CTNND2: variants seen among roughly 807,000 people sequenced by gnomAD.
CTNND2 encodes catenin delta 2, also known as catenin delta-2.
In CTNND2, 22 loss-of-function variants were observed where a neutral mutation model predicts 144.4. That is an observed-to-expected ratio of 0.15 (90% confidence interval 0.11 to 0.22). The LOEUF is 0.22. Among genes scored for constraint, CTNND2 ranks in the 10% least tolerant of loss-of-function variants. The pLI is 1.00. For missense variants in CTNND2, 1,353 were observed against 1,618.8 expected (o/e 0.84, Z 2.82); for synonymous variants, 751 against 695.6 (o/e 1.08, Z -1.25).
chr5:11,471,951 G>A (rs1205163069), intron 3 of CTNND2, among the ~76,000 whole-genome samples: 8 of 152,154 alleles, frequency 5.3e-5, no homozygotes, highest in Non-Finnish European at 1.5e-5. Flanking sequence ...ACACAAGCTG[G>A]CAAAACTTCT....
chr5:11,151,578 T>C (rs80100938), intron 12 of CTNND2, among the ~76,000 whole-genome samples: 2,605 of 152,342 alleles, frequency 0.017, 82 homozygotes, highest in African/African-American at 0.06. Context: ...GACTATTCAT[T>C]CACGCTGAAA....
intron 1 of CTNND2, among the ~76,000 whole-genome samples, chr5:11,754,627 T>C (rs190440418): frequency 6.6e-6 from 1 of 152,004 alleles, no homozygotes; most frequent in East Asian, 1.9e-4. Context: ...GTTTTATGAA[T>C]CTGGGTGCTC....
intron 7 of CTNND2, among the ~76,000 whole-genome samples, chr5:11,370,381 G>A (rs1259482447): frequency 6.6e-6 from 1 of 152,092 alleles, no homozygotes; most frequent in Non-Finnish European, 1.5e-5. Flanking sequence ...TGGTTCTAAT[G>A]CTGGGATCAC....
chr5:11,465,752 T>C (rs1266454462), intron 3 of CTNND2, among the ~76,000 whole-genome samples: 1 of 152,192 alleles, frequency 6.6e-6, no homozygotes, highest in Admixed American at 6.5e-5. Context: ...TCTCCAAATA[T>C]ACTGGCAGAA....
chr5:11,670,231 T>C (rs764919510), intron 2 of CTNND2, among the ~76,000 whole-genome samples: 2 of 152,206 alleles, frequency 1.3e-5, no homozygotes, highest in African/African-American at 2.4e-5. Flanking sequence ...TACTGTTGAT[T>C]TGGGGTGGAG....
At chr5:11,022,518 A>G (rs1037013215) in intron 17 of CTNND2, among the ~76,000 whole-genome samples, 1 of 152,130 alleles carries the variant, frequency 6.6e-6, no homozygotes, top group Non-Finnish European at 1.5e-5. Flanking sequence ...ACAACAAAAT[A>G]CCTTCATGTA....
intron 9 of CTNND2, among the ~76,000 whole-genome samples, chr5:11,267,762 TC>T (rs1314775799): frequency 3.9e-5 from 6 of 152,210 alleles, no homozygotes; most frequent in Non-Finnish European, 7.3e-5. Flanking sequence ...ATCTGGCTAT[TC>T]AAATAAAGTT....
chr5:11,803,688 T>C (rs562342995), intron 1 of CTNND2, among the ~76,000 whole-genome samples: 1 of 152,304 alleles, frequency 6.6e-6, no homozygotes, highest in East Asian at 1.9e-4. Flanking sequence ...GCTTCTCCAC[T>C]GTGAGACGAG....
chr5:11,091,955 T>C (rs915234508), intron 15 of CTNND2, among the ~76,000 whole-genome samples: 1 of 152,186 alleles, frequency 6.6e-6, no homozygotes, highest in South Asian at 2.1e-4. Context: ...TCTCTCCTCT[T>C]TGATATTTTG....
intron 1 of CTNND2, among the ~76,000 whole-genome samples, chr5:11,784,379 A>T (rs991029817): frequency 1.3e-5 from 2 of 152,248 alleles, no homozygotes; most frequent in African/African-American, 4.8e-5. Context: ...AAAGAATATC[A>T]GTGGTAACTG....
At chr5:11,072,283 C>T (rs1332329060) in intron 16 of CTNND2, among the ~76,000 whole-genome samples, 1 of 152,178 alleles carries the variant, frequency 6.6e-6, no homozygotes, top group Non-Finnish European at 1.5e-5. Flanking sequence ...TGCACATTAA[C>T]ATATATGTGC....
At chr5:11,781,934 T>C (rs942694834) in intron 1 of CTNND2, among the ~76,000 whole-genome samples, 2 of 152,262 alleles carry the variant, frequency 1.3e-5, no homozygotes, top group African/African-American at 4.8e-5. Flanking sequence ...AAAAAATATA[T>C]TGACACCTGG....
At chr5:11,041,210 T>A (rs545662209) in intron 16 of CTNND2, among the ~76,000 whole-genome samples, 40 of 152,330 alleles carry the variant, frequency 2.6e-4, no homozygotes, top group African/African-American at 8.7e-4. Flanking sequence ...CAATTAAGGA[T>A]ATGGAGAGAG....
intron 15 of CTNND2, among the ~76,000 whole-genome samples, chr5:11,085,545 G>A (rs771781275): frequency 1.6e-4 from 24 of 152,160 alleles, no homozygotes; most frequent in Non-Finnish European, 2.5e-4. Context: ...GAGAGGCTCA[G>A]GCCATTATTT....
chr5:11,219,826 T>C (rs26039), intron 10 of CTNND2, among the ~76,000 whole-genome samples: 118,011 of 152,134 alleles, frequency 0.78, 45,928 homozygotes, highest in East Asian at 0.88. Flanking sequence ...TTGGAAATTA[T>C]TCAGCTCTGA....
chr5:11,681,343 G>A (rs1047071076), intron 2 of CTNND2, among the ~76,000 whole-genome samples: 6 of 152,186 alleles, frequency 3.9e-5, no homozygotes, highest in African/African-American at 1.4e-4. Flanking sequence ...TCTAAAGGAT[G>A]CAGATTAAAG....
At chr5:11,445,380 C>T (rs558167055) in intron 3 of CTNND2, among the ~76,000 whole-genome samples, 41 of 152,314 alleles carry the variant, frequency 2.7e-4, no homozygotes, top group Admixed American at 1.8e-3. Flanking sequence ...AGGTCACGCA[C>T]GGTTTCCCGA....
At chr5:11,595,377 T>C (rs970900419) in intron 2 of CTNND2, among the ~76,000 whole-genome samples, 1 of 152,218 alleles carries the variant, frequency 6.6e-6, no homozygotes, top group African/African-American at 2.4e-5. Context: ...ACTAGATGTA[T>C]ATGTTATCAC....
At chr5:11,099,988 T>C (rs993813109) in intron 14 of CTNND2, among the ~76,000 whole-genome samples, 3 of 145,318 alleles carry the variant, frequency 2.1e-5, no homozygotes, top group Non-Finnish European at 4.5e-5. Flanking sequence ...TATGTGCATG[T>C]ATATAAATGT....
Sources: allele counts gnomAD v4.1 joint callset (sites outside exome capture counted in the v4.1 genomes callset), GRCh38; gene constraint gnomAD v4.1.1; transcripts MANE v1.5; gene names NCBI Gene and HGNC (gene_info 2026-07-23, HGNC 2026-07-21).